The following PPP4R1 variants were observed in gnomAD, a reference collection of about 807,000 sequenced individuals.
The protein encoded by PPP4R1 is protein phosphatase 4 regulatory subunit 1, also known as serine/threonine-protein phosphatase 4 regulatory subunit 1.
In PPP4R1, 42 loss-of-function variants were observed where a neutral mutation model predicts 111.2. The ratio of observed to expected loss-of-function variants is 0.38; its 90% CI spans 0.29 to 0.49. The LOEUF (loss-of-function observed/expected upper bound fraction) is 0.49, where lower values mean the gene tolerates loss of function less well. Among genes scored for constraint, PPP4R1 ranks in the 20% least tolerant of loss-of-function variants. The pLI is 0.97. For synonymous variants in PPP4R1, 409 were observed against 405.5 expected, an observed-to-expected ratio of 1.01 and a Z score of -0.10; for missense variants, 1,012 against 1,161.6, an observed-to-expected ratio of 0.87 and a Z score of 1.87.
chr18:9,552,451 T>C (rs1321980569), intron 16 of PPP4R1, among the ~76,000 whole-genome samples: 1 of 152,230 alleles, frequency 6.6e-6, no homozygotes, highest in Non-Finnish European at 1.5e-5. Context: ...CATCATTACA[T>C]ACCTCACAAA....
upstream of PPP4R1, among the ~76,000 whole-genome samples, chr18:9,616,785 G>A (rs1178590311): frequency 1.3e-5 from 2 of 152,186 alleles, no homozygotes; most frequent in African/African-American, 4.8e-5. Flanking sequence ...TCTGCCTTTG[G>A]TAGCTAGGCC....
At chr18:9,589,460 C>T (rs2067174794) in intron 4 of PPP4R1, among the ~76,000 whole-genome samples, 1 of 152,126 alleles carries the variant, frequency 6.6e-6, no homozygotes, top group South Asian at 2.1e-4. Context: ...TAAGAAGCAA[C>T]AGTAGGAAAA....
rs187578979 is a variant in PPP4R1 at position 9,588,062 on chromosome 18, T to A, written c.585+27A>T. The A allele has an allele frequency of 3.1e-6, 5 of 1,613,080 alleles. No homozygotes were observed. The Admixed American group carries it at 8.3e-5, about 27-fold the overall frequency. On this transcript the variant is annotated intron_variant, in intron 6 of 19. Transcript: ENST00000400556. ...CACCTCTTATCAGCCACATTTTGCA[T>A]AAGTGGAAAAATGGCATTTGACTTA... is the stretch of plus-strand genomic sequence containing the variant.
rs767261080 is a variant in PPP4R1 at position 9,562,102 on chromosome 18, G to A, written c.1747-27C>T. On this transcript the variant is annotated intron_variant, in intron 12 of 19. Transcript: ENST00000400556. ...TGTTAGGAAAAAATAACTACTTAAA[G>A]AGCTGTCCTGTCTGTACATCTTCAT... The A allele has an allele frequency of 3.3e-6, 5 of 1,521,944 alleles. No homozygotes were observed. The East Asian group carries it at 9.1e-5, about 28-fold the overall frequency. The allele number at this position is 1,521,944 out of a possible 1,614,324, so 94.3% of individuals were successfully genotyped here. A position where few individuals can be genotyped will look rare whatever the true frequency, so the allele number is the denominator to read the frequency against.
intron 2 of PPP4R1, among the ~76,000 whole-genome samples, chr18:9,598,579 T>C (rs544788714): frequency 1.6e-5 from 2 of 125,328 alleles, no homozygotes; most frequent in African/African-American, 6.8e-5. Flanking sequence ...AATATGAAGC[T>C]GAAATAAAGA....
rs2066642811 is a variant in PPP4R1 at position 9,559,699 on chromosome 18, G to C, written c.1843-95C>G. 3.4e-6 allele frequency: 3 copies of C among 884,614 alleles called. No homozygotes were observed. In the South Asian group the frequency reaches 9.7e-5, roughly 29 times the overall value. The allele number at this position is 884,614 out of a possible 1,614,324, so 54.8% of individuals were successfully genotyped here. A position where few individuals can be genotyped will look rare whatever the true frequency, so the allele number is the denominator to read the frequency against. On this transcript the variant is annotated intron_variant, in intron 13 of 19. Coordinates refer to ENST00000400556, the MANE Select transcript of PPP4R1 (RefSeq NM_001042388.3). ...GGGCAAAATTATTTTTAAATATATA[G>C]ATTTTAACATAGCATCTCAAATAGT...
chr18:9,581,168 C>CAA (rs56258469), intron 9 of PPP4R1, among the ~76,000 whole-genome samples: 7 of 138,292 alleles, frequency 5.1e-5, no homozygotes, highest in South Asian at 2.4e-4. Context: ...ACAAGGCAGG[C>CAA]AAAAAAAAAA....
At position 9,550,369 on chromosome 18, in the gene PPP4R1, C is replaced by T. The variant is rs980688590; in HGVS notation, c.2321G>A (p.Ser774Asn). The T allele has an allele frequency of 3.1e-6, 5 of 1,602,636 alleles. No individual in the cohort carries two copies. In the Admixed American group the frequency reaches 5.0e-5, roughly 16 times the overall value. The change falls in exon 17 of 20, where the codon AGT (serine) becomes AAT (asparagine). Residue 774 changes from serine to asparagine, a missense_variant. This residue lies in a region of PPP4R1 where 305 missense variants were observed against 419.5 expected (regional missense o/e 0.73). Coordinates refer to ENST00000400556, the MANE Select transcript of PPP4R1 (RefSeq NM_001042388.3). The part of the protein sequence containing the change: ...EQLILLLELY[S>N]PRDVYDYLRP... ...TAAATAGTCATAAACATCTCTGGGACTATATAACTCTAGAAGTAAAATCAG... is the reference window on the plus strand; with the variant it reads ...TAAATAGTCATAAACATCTCTGGGATTATATAACTCTAGAAGTAAAATCAG...
chr18:9,592,208 T>C (rs1193859023), intron 4 of PPP4R1, among the ~76,000 whole-genome samples: 1 of 152,226 alleles, frequency 6.6e-6, no homozygotes, highest in Non-Finnish European at 1.5e-5. Context: ...GCATGGTTTA[T>C]TATAAACCTT....
chr18:9,615,742 GGAA>G (rs1437350972), upstream of PPP4R1, among the ~76,000 whole-genome samples: 1 of 152,178 alleles, frequency 6.6e-6, no homozygotes, highest in Non-Finnish European at 1.5e-5. Context: ...CTTAGGAGAG[GGAA>G]TTCTAAGTAG....
Position 9,595,135 on chromosome 18 carries a change from C to G in PPP4R1, c.71G>C (p.Ser24Thr), listed in dbSNP as rs1598948150. The G allele has an allele frequency of 6.2e-7, 1 of 1,613,818 alleles. No individual in the cohort carries two copies. Among genetic ancestry groups the G allele is most frequent in the Non-Finnish European group, 8.5e-7 (1 of 1,179,826 alleles). Residue 24 changes from serine (S) to threonine (T), a missense_variant, in exon 3 of 20, where the codon AGC becomes ACC. Transcript: ENST00000400556. ...TATAATAATCACATCAGACTCTGAG[C>G]TGTAGTCATCCACACCAACTATCAG... ...DADGFGVDDY[S>T]SESDVIIIPS...
In PPP4R1 at chr18:9,594,960, C is replaced by A. The variant is rs184763960; in HGVS notation, c.188+58G>T. ...AAAGTGGATACTTTCATTTTCCCTA[C>A]TGAAGTTAATAAAACCACCCTTCCA... is the stretch of plus-strand genomic sequence containing the variant. On this transcript the variant is annotated intron_variant, in intron 3 of 19. Transcript: ENST00000400556. The A allele has an allele frequency of 6.6e-5, 104 of 1,573,980 alleles. No individual in the cohort carries two copies. The Middle Eastern group carries it at 6.7e-4, about 10-fold the overall frequency.
chr18:9,553,289 C>T (rs1198601955), intron 16 of PPP4R1, 33 bp downstream of exon 16: 1 of 1,480,398 alleles, frequency 6.8e-7, no homozygotes. Flanking sequence ...TATACCCCTC[C>T]AAAACATAAT....
rs2144939576 is a variant in PPP4R1 at position 9,546,878 on chromosome 18, TA to T, written c.*910del. ...CAAATTGCATTTATTGGTAGACATC[TA>T]GAAAACAATCAAAAGTGTATATATC... On this transcript the variant is annotated 3_prime_UTR_variant, in exon 20 of 20. Coordinates refer to ENST00000400556, the MANE Select transcript of PPP4R1 (RefSeq NM_001042388.3). The T allele has an allele frequency of 6.6e-6, 1 of 152,330 alleles. No homozygotes were observed. Among genetic ancestry groups the T allele is most frequent in the East Asian group, 1.9e-4 (1 of 5,190 alleles). 9.4% of individuals were successfully genotyped at this position (152,330 alleles called of 1,614,324 possible).
intron 11 of PPP4R1, among the ~76,000 whole-genome samples, chr18:9,564,785 A>G (rs532352334): frequency 6.8e-6 from 1 of 147,550 alleles, no homozygotes; most frequent in African/African-American, 2.5e-5. Context: ...GTGCAGGCAT[A>G]CTTTGTTTTA....
At position 9,614,088 on chromosome 18, in the gene PPP4R1, G is replaced by T; in HGVS notation, c.52+138C>A. On this transcript the variant is annotated intron_variant, in intron 2 of 19. Transcript: ENST00000400556. This position sits in a 1 kb window ranked among gnomAD's most constrained non-coding sequence, Gnocchi z 4.1. ...GGACGCGAGATTTTCCCCCCCGATCGCCACCCCAGCCCGCCTGGGGCCGCC... is the reference window on the plus strand; with the variant it reads ...GGACGCGAGATTTTCCCCCCCGATCTCCACCCCAGCCCGCCTGGGGCCGCC... 1.4e-6 allele frequency: 1 copy of T among 692,028 alleles called. No homozygotes were observed. The allele number at this position is 692,028 out of a possible 1,614,324, so 42.9% of individuals were successfully genotyped here. A position where few individuals can be genotyped will look rare whatever the true frequency, so the allele number is the denominator to read the frequency against.
Position 9,614,091 on chromosome 18 carries a change from AC to A in PPP4R1, c.52+134del. The A allele has an allele frequency of 1.4e-6, 1 of 701,344 alleles. No homozygotes were observed. Among genetic ancestry groups the A allele is most frequent in the Non-Finnish European group, 1.9e-6 (1 of 531,710 alleles). 43.4% of individuals were successfully genotyped at this position (701,344 alleles called of 1,614,324 possible). A position where few individuals can be genotyped will look rare whatever the true frequency, so the allele number is the denominator to read the frequency against. On this transcript the variant is annotated intron_variant, in intron 2 of 19. Transcript: ENST00000400556. This position sits in a 1 kb window ranked among gnomAD's most constrained non-coding sequence, Gnocchi z 4.1. ...CGCGAGATTTTCCCCCCCGATCGCC[AC>A]CCCAGCCCGCCTGGGGCCGCCCTCG...
chr18:9,567,000 G>A (rs954973266), intron 11 of PPP4R1, among the ~76,000 whole-genome samples: 3 of 152,144 alleles, frequency 2.0e-5, no homozygotes, highest in Non-Finnish European at 2.9e-5. Flanking sequence ...AAGGATCAAG[G>A]GGTAATTTCA....
Position 9,549,309 on chromosome 18 carries a change from C to T in PPP4R1, c.2577G>A (p.Met859Ile), listed in dbSNP as rs772518134. The change falls in exon 19 of 20, where the codon ATG becomes ATA. Residue 859 changes from methionine to isoleucine, a missense_variant. By Grantham distance (10) the Met-to-Ile change is conservative. Around this residue, in one of 2 missense-constraint regions of PPP4R1, gnomAD observed 305 missense variants for 419.5 expected, o/e 0.73. Transcript: ENST00000400556. ...QTVIEDDCLP[M>I]DQFAVHLMPH... Reference sequence around the variant, plus strand: ...GCATGAGATGCACAGCAAACTGGTCCATGGGAAGGCAGTCATCCTCAATGA... The same window carrying T: ...GCATGAGATGCACAGCAAACTGGTCTATGGGAAGGCAGTCATCCTCAATGA... 1 of 1,610,418 alleles carries T rather than the reference C, an allele frequency of 6.2e-7. No homozygotes were observed.
Sources: gnomAD v4.1 joint callset for allele counts (sites outside exome capture counted in the v4.1 genomes callset) on GRCh38, gnomAD v4.1.1 for gene constraint, gnomAD v4.1.1 regional missense constraint, Gnocchi (gnomAD v3.1) non-coding constraint, MANE v1.5 for transcripts, NCBI Gene and HGNC (gene_info 2026-07-23, HGNC 2026-07-21) for gene names.